PLAGL1: variants seen among roughly 807,000 people sequenced by gnomAD.
PLAGL1 encodes the protein PLAG1 like zinc finger 1.
A neutral mutation model predicts 4.6 loss-of-function variants in PLAGL1; 1 was observed. The observed-to-expected ratio is 0.22, with a 90% CI of 0.08 to 1.03. The LOEUF (loss-of-function observed/expected upper bound fraction) is 1.03. PLAGL1 is among the 50% of genes least tolerant of loss of function. The probability of loss-of-function intolerance (pLI) is 0.58; values close to 1 mark genes in which losing one functional copy is unlikely to be tolerated. For synonymous variants in PLAGL1, 240 were observed against 237.8 expected, an observed-to-expected ratio of 1.01 and a Z score of -0.08; for missense variants, 464 against 570.4, an observed-to-expected ratio of 0.81 and a Z score of 1.90.
At chr6:144,031,000 C>T (rs1052708356) in intron 1 of PLAGL1, among the ~76,000 whole-genome samples, 51 of 151,658 alleles carry the variant, frequency 3.4e-4, no homozygotes, top group African/African-American at 1.2e-3. Context: ...GTTCCCTTTC[C>T]ACCGCATCCA....
Position 143,962,095 on chromosome 6 carries a change from C to T in PLAGL1, c.-398-1553G>A, listed in dbSNP as rs1393204214. Among the ~76,000 whole-genome samples, 1 of 152,196 alleles carries T rather than the reference C, an allele frequency of 6.6e-6. No homozygotes were observed. Among genetic ancestry groups the T allele is most frequent in the Non-Finnish European group, 1.5e-5 (1 of 68,040 alleles). On this transcript the variant is annotated intron_variant, in intron 5 of 7. Coordinates refer to ENST00000674357, the MANE Select transcript of PLAGL1 (RefSeq NM_001317162.2). The surrounding 1 kb of genome is among the most constrained non-coding windows in gnomAD (Gnocchi z 5.3). The stretch of plus-strand genomic sequence containing the variant: ...AACTCTGGCAGGGAGGAGATCAAAT[C>T]CCTCAGCTTTTCCCACCTGCCATCT...
intron 1 of PLAGL1, among the ~76,000 whole-genome samples, chr6:144,047,562 A>T (rs1014954937): frequency 2.6e-5 from 4 of 152,162 alleles, no homozygotes; most frequent in Non-Finnish European, 5.9e-5. Context: ...GTGGCATGAG[A>T]AAATGAGAGC....
At chr6:143,987,437 C>CTGTTTTTTT (rs556596504) in intron 1 of PLAGL1, among the ~76,000 whole-genome samples, 1 of 73,938 alleles carries the variant, frequency 1.4e-5, no homozygotes, top group Non-Finnish European at 2.4e-5. Flanking sequence ...ACCACACTGG[C>CTGTTTTTTT]TTTTTTTTTT....
Position 144,063,443 on chromosome 6 carries a change from A to G in PLAGL1, c.-151+1025T>C, listed in dbSNP as rs895683097. ...TTTATCCCCTCACGTGATTCAGGAC[A>G]TCTGGGGTGGGCCCAATAGGTGTGT... On this transcript the variant is annotated intron_variant, in intron 1 of 3. Transcript: ENST00000437412. The surrounding 1 kb of genome is among the most constrained non-coding windows in gnomAD (Gnocchi z 5.7). 6.6e-6 allele frequency among the ~76,000 whole-genome samples: 1 copy of G among 152,214 alleles called. No individual in the cohort carries two copies.
At chr6:144,025,487 T>G (rs191595677) in intron 1 of PLAGL1, among the ~76,000 whole-genome samples, 1 of 152,238 alleles carries the variant, frequency 6.6e-6, no homozygotes, top group African/African-American at 2.4e-5. Flanking sequence ...AAATGTAAGA[T>G]GTTAATGCTC....
In PLAGL1 at chr6:143,997,978, G is replaced by A. The variant is rs1354590334; in HGVS notation, c.-584+10112C>T. 6.6e-6 allele frequency among the ~76,000 whole-genome samples: 1 copy of A among 152,106 alleles called. No individual in the cohort carries two copies. Among genetic ancestry groups the A allele is most frequent in the Non-Finnish European group, 1.5e-5 (1 of 68,026 alleles). On this transcript the variant is annotated intron_variant, in intron 1 of 7. Coordinates refer to ENST00000674357, the MANE Select transcript of PLAGL1 (RefSeq NM_001317162.2). The surrounding 1 kb of genome is among the most constrained non-coding windows in gnomAD (Gnocchi z 4.6). ...AGCAGAGAAAAAGTACTTTATGAAA[G>A]ATAATTAGACTCTTTTTACCTTATC...
chr6:143,955,907 G>A lies in PLAGL1; in HGVS notation c.-325+4562C>T, dbSNP rs1782021210. 1.3e-5 allele frequency among the ~76,000 whole-genome samples: 2 copies of A among 151,860 alleles called. No homozygotes were observed. The highest frequency in any genetic ancestry group is 1.3e-4 in the Admixed American group (2 of 15,274). On this transcript the variant is annotated intron_variant, in intron 6 of 7. Transcript: ENST00000674357. The surrounding 1 kb of genome is among the most constrained non-coding windows in gnomAD (Gnocchi z 4.9). ...TTAGGACTGAGGTTAGGGGAAAGAG[G>A]GAATGGTGGTGGCAGAGAGAGGTTT...
intron 1 of PLAGL1, among the ~76,000 whole-genome samples, chr6:144,038,155 C>A (rs1329418541): frequency 6.6e-6 from 1 of 152,186 alleles, no homozygotes; most frequent in Non-Finnish European, 1.5e-5. Context: ...GCCTGCAGAT[C>A]TATGAATCTT....
intron 1 of PLAGL1, among the ~76,000 whole-genome samples, chr6:144,025,047 G>C (rs1490578804): frequency 6.6e-6 from 1 of 152,044 alleles, no homozygotes; most frequent in Non-Finnish European, 1.5e-5. Flanking sequence ...ACATTATAGA[G>C]GGGGGAGGGG....
At position 144,028,232 on chromosome 6, in the gene PLAGL1, A is replaced by G. The variant is rs899825770; in HGVS notation, c.-151+36236T>C. Among the ~76,000 whole-genome samples, 48 of 152,232 alleles carry G rather than the reference A, an allele frequency of 3.2e-4. 1 individual carries two copies. Among genetic ancestry groups the G allele is most frequent in the Admixed American group, 1.8e-3 (27 of 15,280 alleles). Reference sequence around the variant, plus strand: ...ATTACTCTTGTAAGTGTTCCAAAGTATATTAGTATAAAACACATTATATCT... The same window carrying G: ...ATTACTCTTGTAAGTGTTCCAAAGTGTATTAGTATAAAACACATTATATCT... On this transcript the variant is annotated intron_variant, in intron 1 of 3. Transcript: ENST00000437412.
At position 143,942,465 on chromosome 6, in the gene PLAGL1, A is replaced by C; in HGVS notation, c.351T>G (p.Ser117Arg). The C allele has an allele frequency of 1.2e-6, 2 of 1,614,088 alleles. No homozygotes were observed. Among genetic ancestry groups the C allele is most frequent in the Non-Finnish European group, 1.7e-6 (2 of 1,179,978 alleles). ...KRHLALHAASSGDLTCGVCAL... is the reference protein window; with the variant it reads ...KRHLALHAASRGDLTCGVCAL... ...CACAGACCCCACAGGTGAGGTCCCCACTGCTGGCCGCATGGAGGGCCAGGT... is the reference window on the plus strand; with the variant it reads ...CACAGACCCCACAGGTGAGGTCCCCCCTGCTGGCCGCATGGAGGGCCAGGT... Residue 117 changes from serine (S) to arginine (R), a missense_variant, in exon 8 of 8, where the codon AGT (serine) becomes AGG (arginine). By Grantham distance (110) the Ser-to-Arg change is moderately radical. This residue lies in a region of PLAGL1 where 161 missense variants were observed against 196.7 expected (regional missense o/e 0.82). Transcript: ENST00000674357. This position sits in a 1 kb window ranked among gnomAD's most constrained non-coding sequence, Gnocchi z 7.6.
rs2128535262 is a variant in PLAGL1, at chr6:143,953,261, C to T, written c.-324-4801G>A. Among the ~76,000 whole-genome samples the T allele has an allele frequency of 6.6e-6, 1 of 152,358 alleles. No individual in the cohort carries two copies. Among genetic ancestry groups the T allele is most frequent in the Non-Finnish European group, 1.5e-5 (1 of 68,034 alleles). Reference sequence around the variant, plus strand: ...TAGTTTATCCTCATTGTAGGAAGCACTACCTGCCCTTCTATTCTGCTCTGA... The same window carrying T: ...TAGTTTATCCTCATTGTAGGAAGCATTACCTGCCCTTCTATTCTGCTCTGA... On this transcript the variant is annotated intron_variant, in intron 6 of 7. Coordinates refer to ENST00000674357, the MANE Select transcript of PLAGL1 (RefSeq NM_001317162.2). This position sits in a 1 kb window ranked among gnomAD's most constrained non-coding sequence, Gnocchi z 5.3.
chr6:143,960,366 T>C lies in PLAGL1; in HGVS notation c.-325+103A>G, dbSNP rs181933424. 2 of 152,342 alleles carry C rather than the reference T, an allele frequency of 1.3e-5. No individual in the cohort carries two copies. Among genetic ancestry groups the C allele is most frequent in the African/African-American group, 2.4e-5 (1 of 41,572 alleles). 9.4% of individuals were successfully genotyped at this position (152,342 alleles called of 1,614,324 possible). ...ATGTGTTTATTTTCCACTAGAACCT[T>C]TTTGAAGTACCCTGAACCTCCAGCA... On this transcript the variant is annotated intron_variant, in intron 6 of 7. Coordinates refer to ENST00000674357, the MANE Select transcript of PLAGL1 (RefSeq NM_001317162.2). This position sits in a 1 kb window ranked among gnomAD's most constrained non-coding sequence, Gnocchi z 5.7.
rs907858654 is a variant in PLAGL1, at chr6:143,950,903, T to C, written c.-324-2443A>G. Among the ~76,000 whole-genome samples the C allele has an allele frequency of 1.5e-4, 23 of 152,342 alleles. No homozygotes were observed. Among genetic ancestry groups the C allele is most frequent in the Non-Finnish European group, 1.5e-5 (1 of 68,032 alleles). On this transcript the variant is annotated intron_variant, in intron 6 of 7. Coordinates refer to ENST00000674357, the MANE Select transcript of PLAGL1 (RefSeq NM_001317162.2). The surrounding 1 kb of genome is among the most constrained non-coding windows in gnomAD (Gnocchi z 6.3). ...TACTTTATTTAACTTTAATTTAAATTGCCACATAGTGCCAGTGGCTGCTGT... is the reference window on the plus strand; with the variant it reads ...TACTTTATTTAACTTTAATTTAAATCGCCACATAGTGCCAGTGGCTGCTGT...
intron 1 of PLAGL1, among the ~76,000 whole-genome samples, chr6:143,993,331 A>AACAAAAC (rs1554266742): frequency 2.1e-5 from 3 of 142,236 alleles, no homozygotes; most frequent in African/African-American, 5.3e-5. Flanking sequence ...AACAAAACAA[A>AACAAAAC]ACACACACAC....
At chr6:144,021,634 T>C (rs1413729653) in intron 1 of PLAGL1, among the ~76,000 whole-genome samples, 1 of 152,236 alleles carries the variant, frequency 6.6e-6, no homozygotes, top group African/African-American at 2.4e-5. Flanking sequence ...TCATTTCTGA[T>C]ATCCATTTGA....
chr6:143,955,203 T>G lies in PLAGL1; in HGVS notation c.-325+5266A>C, dbSNP rs1184976646. 6.6e-6 allele frequency among the ~76,000 whole-genome samples: 1 copy of G among 152,144 alleles called. No homozygotes were observed. Among genetic ancestry groups the G allele is most frequent in the African/African-American group, 2.4e-5 (1 of 41,434 alleles). On this transcript the variant is annotated intron_variant, in intron 6 of 7. Coordinates refer to ENST00000674357, the MANE Select transcript of PLAGL1 (RefSeq NM_001317162.2). The surrounding 1 kb of genome is among the most constrained non-coding windows in gnomAD (Gnocchi z 4.9). ...GATCAAGAAAGGTGTCACAGAGAAG[T>G]AAAAGTTGAAGCTAGCGTAGAAGTT...
At position 144,013,438 on chromosome 6, in the gene PLAGL1, A is replaced by AGGAAT. The variant is rs1382085169; in HGVS notation, c.-150-44465_-150-44461dup. 6.6e-6 allele frequency among the ~76,000 whole-genome samples: 1 copy of AGGAAT among 152,250 alleles called. No individual in the cohort carries two copies. The highest frequency in any genetic ancestry group is 1.5e-5 in the Non-Finnish European group (1 of 68,032). ...CCCCATCCTGAAAAAAATGACAACT[A>AGGAAT]GGAATGGAATGGAACTTCCTTAGCC... is the stretch of plus-strand genomic sequence containing the variant. On this transcript the variant is annotated intron_variant, in intron 1 of 3. Coordinates refer to the PLAGL1 transcript ENST00000437412. The surrounding 1 kb of genome is among the most constrained non-coding windows in gnomAD (Gnocchi z 4.4).
intron 1 of PLAGL1, among the ~76,000 whole-genome samples, chr6:143,987,373 G>T (rs1056463369): frequency 6.7e-6 from 1 of 150,150 alleles, no homozygotes; most frequent in African/African-American, 2.5e-5. Context: ...TTCATCAGAG[G>T]TTCTGGAGGA....
Sources: gnomAD v4.1 joint callset for allele counts (sites outside exome capture counted in the v4.1 genomes callset) on GRCh38, gnomAD v4.1.1 for gene constraint, gnomAD v4.1.1 regional missense constraint, Gnocchi (gnomAD v3.1) non-coding constraint, MANE v1.5 for transcripts, NCBI Gene and HGNC (gene_info 2026-07-23, HGNC 2026-07-21) for gene names.